The following TMEM131L variants were observed in gnomAD, a reference collection of about 807,000 sequenced individuals.
TMEM131L encodes the protein transmembrane protein 131-like.
TMEM131L carries 54 observed loss-of-function variants against 192.2 expected under a neutral mutation model. The ratio of observed to expected loss-of-function variants is 0.28; its 90% CI spans 0.23 to 0.35. The LOEUF (loss-of-function observed/expected upper bound fraction) is 0.35, where lower values mean the gene tolerates loss of function less well. Ranked by LOEUF, TMEM131L falls within the 10% of genes least tolerant of loss-of-function variation. The probability of loss-of-function intolerance (pLI) is 1.00; values close to 1 mark genes in which losing one functional copy is unlikely to be tolerated. For synonymous variants in TMEM131L, 701 were observed against 704.9 expected, an observed-to-expected ratio of 0.99 and a Z score of 0.09; for missense variants, 1,888 against 1,972.9, an observed-to-expected ratio of 0.96 and a Z score of 0.82.
At chr4:153,468,378 G>C (rs1730917089) in intron 2 of TMEM131L, among the ~76,000 whole-genome samples, 1 of 152,024 alleles carries the variant, frequency 6.6e-6, no homozygotes, top group South Asian at 2.1e-4. Context: ...TTGAGAAAGG[G>C]CCCCATCAGG....
intron 7 of TMEM131L, among the ~76,000 whole-genome samples, chr4:153,572,786 C>G (rs1286820134): frequency 9.9e-5 from 15 of 152,120 alleles, no homozygotes; most frequent in Admixed American, 9.8e-4. Flanking sequence ...CAGTGTTGTA[C>G]AGTCATCACC....
rs138220891 is a variant in TMEM131L, at chr4:153,480,135, C to T, written c.239+6247C>T. Among the ~76,000 whole-genome samples the T allele has an allele frequency of 4.4e-3, 668 of 152,184 alleles. 20 individuals are homozygous for T. In the East Asian group the frequency reaches 0.072, roughly 17 times the overall value. On this transcript the variant is annotated intron_variant, in intron 3 of 34. Transcript: ENST00000409959. Reference sequence around the variant, plus strand: ...CGGGCAGATCAGGAGGTCAGGAGATCGAGACCATCCTGGCTAACAGGGTGA... The same window carrying T: ...CGGGCAGATCAGGAGGTCAGGAGATTGAGACCATCCTGGCTAACAGGGTGA...
At chr4:153,513,138 G>T (rs915890235) in intron 3 of TMEM131L, among the ~76,000 whole-genome samples, 3 of 152,128 alleles carry the variant, frequency 2.0e-5, no homozygotes, top group Admixed American at 2.0e-4. Flanking sequence ...GGTATTCTGT[G>T]GTCTAATCTG....
At chr4:153,632,925 C>A in intron 32 of TMEM131L, 87 bp downstream of exon 32, 2 of 1,504,126 alleles carry the variant, frequency 1.3e-6, no homozygotes, top group Admixed American at 1.9e-5. Flanking sequence ...GGTTTCCTTA[C>A]AAAAATGAAG....
chr4:153,477,684 T>C (rs1360364287), intron 3 of TMEM131L, among the ~76,000 whole-genome samples: 2 of 151,974 alleles, frequency 1.3e-5, no homozygotes, highest in Non-Finnish European at 2.9e-5. Flanking sequence ...ATCTATGTGC[T>C]TTTTTATTTA....
In TMEM131L at chr4:153,555,126, A is replaced by T. The variant is rs1301939317; in HGVS notation, c.309-661A>T. ...TTGGAAAGGCTCATAATTTAAATGG[A>T]TGAGAACCTCTGCTGCAAAGTGCTG... is the stretch of plus-strand genomic sequence containing the variant. On this transcript the variant is annotated intron_variant, in intron 4 of 34. Transcript: ENST00000409959. The surrounding 1 kb of genome is among the most constrained non-coding windows in gnomAD (Gnocchi z 4.1). Among the ~76,000 whole-genome samples the T allele has an allele frequency of 1.3e-5, 2 of 152,202 alleles. No individual in the cohort carries two copies. The highest frequency in any genetic ancestry group is 2.9e-5 in the Non-Finnish European group (2 of 68,028).
chr4:153,557,228 C>T, intron 6 of TMEM131L, 146 bp downstream of exon 6: 2 of 610,950 alleles, frequency 3.3e-6, no homozygotes, highest in Non-Finnish European at 5.8e-6. Flanking sequence ...TTAAAATCAT[C>T]AGCATTCACC....
At chr4:153,593,654 TG>T in intron 18 of TMEM131L, 144 bp from the exon 19 acceptor site, 1 of 599,184 alleles carries the variant, frequency 1.7e-6, no homozygotes. Context: ...GAATGTCGGG[TG>T]GACAGGATGG....
At chr4:153,632,451 C>A in intron 31 of TMEM131L, 1 of 415,702 alleles carries the variant, frequency 2.4e-6, no homozygotes, top group Non-Finnish European at 4.4e-6. Context: ...TTAATGGGGC[C>A]TTGCAGAAAG....
intron 3 of TMEM131L, among the ~76,000 whole-genome samples, chr4:153,520,829 C>T (rs916454858): frequency 1.8e-4 from 27 of 152,142 alleles, no homozygotes; most frequent in South Asian, 4.1e-4. Flanking sequence ...ACTTAAAGTA[C>T]GTCGTGTTTA....
intron 33 of TMEM131L, 150 bp from the exon 34 acceptor site, chr4:153,635,282 T>C: frequency 1.6e-6 from 1 of 633,940 alleles, no homozygotes; most frequent in Non-Finnish European, 2.7e-6. Context: ...AGAATGATGT[T>C]GCAACGACTC....
chr4:153,539,848 C>T (rs1037444577), intron 3 of TMEM131L, among the ~76,000 whole-genome samples: 22 of 151,060 alleles, frequency 1.5e-4, no homozygotes, highest in African/African-American at 4.4e-4. Flanking sequence ...CGGTGGCTTA[C>T]GCCTGTAATT....
At position 153,613,202 on chromosome 4, in the gene TMEM131L, G is replaced by A. The variant is rs1193425751; in HGVS notation, c.3567+802G>A. Among the ~76,000 whole-genome samples, 6 of 152,186 alleles carry A rather than the reference G, an allele frequency of 3.9e-5. No individual in the cohort carries two copies. In the South Asian group the frequency reaches 1.2e-3, roughly 31 times the overall value. On this transcript the variant is annotated intron_variant, in intron 26 of 34. Coordinates refer to ENST00000409959, the MANE Select transcript of TMEM131L (RefSeq NM_001131007.2). ...AAGTTAACGAAATTTATCCAAGCAA[G>A]ATAGAAGTTCAAATAAACACGCAGA...
chr4:153,468,534 A>G (rs1051287694), intron 2 of TMEM131L, among the ~76,000 whole-genome samples: 2 of 152,252 alleles, frequency 1.3e-5, no homozygotes, highest in African/African-American at 4.8e-5. Flanking sequence ...TCGTATTCCT[A>G]CTGCAAGAAC....
intron 9 of TMEM131L, 21 bp from the exon 10 acceptor site, chr4:153,583,169 T>G: frequency 8.0e-7 from 1 of 1,254,182 alleles, no homozygotes; most frequent in Non-Finnish European, 1.2e-6. Flanking sequence ...TCTGCTTTAA[T>G]ACTCTGATTC....
chr4:153,549,878 C>T (rs1325078437), intron 3 of TMEM131L, among the ~76,000 whole-genome samples, 195 bp from the exon 4 acceptor site: 1 of 152,212 alleles, frequency 6.6e-6, no homozygotes, highest in African/African-American at 2.4e-5. Flanking sequence ...GTTCTACTAA[C>T]CGTAATCTTA....
At chr4:153,627,460 C>T in intron 30 of TMEM131L, 145 bp from the exon 31 acceptor site, 1 of 566,220 alleles carries the variant, frequency 1.8e-6, no homozygotes, top group Non-Finnish European at 3.2e-6. Flanking sequence ...AACTTTACAT[C>T]CTTTATATCT....
chr4:153,575,293 C>T (rs567217188), intron 7 of TMEM131L, among the ~76,000 whole-genome samples: 1 of 152,264 alleles, frequency 6.6e-6, no homozygotes, highest in East Asian at 1.9e-4. Context: ...CTCTAGTATC[C>T]AGTTCCCTAA....
chr4:153,527,217 A>G (rs1735553645), intron 3 of TMEM131L, among the ~76,000 whole-genome samples: 1 of 152,116 alleles, frequency 6.6e-6, no homozygotes, highest in Non-Finnish European at 1.5e-5. Context: ...GGGGAGGTGA[A>G]AGTAATTTTC....
Sources: allele counts gnomAD v4.1 joint callset (sites outside exome capture counted in the v4.1 genomes callset), GRCh38; gene constraint gnomAD v4.1.1; non-coding constraint Gnocchi (gnomAD v3.1); transcripts MANE v1.5; gene names NCBI Gene and HGNC (gene_info 2026-07-23, HGNC 2026-07-21).